The following TRRAP variants were observed in gnomAD, a reference collection of about 807,000 sequenced individuals.
TRRAP encodes the protein transformation/transcription domain associated protein, also known as transformation/transcription domain-associated protein.
TRRAP carries 41 observed loss-of-function variants against 438.8 expected under a neutral mutation model. The observed-to-expected ratio is 0.09, with a 90% CI of 0.07 to 0.12. TRRAP has a LOEUF of 0.12. Among genes scored for constraint, TRRAP ranks in the 10% least tolerant of loss-of-function variants. The pLI is 1.00. For missense variants in TRRAP, 3,122 were observed against 5,055.1 expected (o/e 0.62, Z 11.60); for synonymous variants, 1,994 against 1,962.9 (o/e 1.02, Z -0.42).
At chr7:98,903,022 T>A (rs2116364466) in intron 11 of TRRAP, among the ~76,000 whole-genome samples, 2 of 140,512 alleles carry the variant, frequency 1.4e-5, no homozygotes, top group South Asian at 4.8e-4. Context: ...GAGTCAAGCT[T>A]AGTCTTAACG....
At position 99,005,052 on chromosome 7, in the gene TRRAP, G is replaced by C. The variant is rs1794100042; in HGVS notation, c.10536-79G>C. On this transcript the variant is annotated intron_variant, in intron 68 of 72. Coordinates refer to ENST00000456197, the MANE Select transcript of TRRAP (RefSeq NM_001375524.1). The surrounding 1 kb of genome is among the most constrained non-coding windows in gnomAD (Gnocchi z 5.1). The stretch of plus-strand genomic sequence containing the variant: ...CAGTCCGTTTTCCCGTGACAGTTCG[G>C]ACATTCCTAGCTTCTTCTCAAGACA... The C allele has an allele frequency of 6.9e-7, 1 of 1,454,830 alleles. No individual in the cohort carries two copies. The highest frequency in any genetic ancestry group is 1.4e-5 in the African/African-American group (1 of 72,014). 90.1% of individuals were successfully genotyped at this position (1,454,830 alleles called of 1,614,324 possible).
chr7:98,947,608 A>C (rs1467973175), intron 33 of TRRAP, among the ~76,000 whole-genome samples: 1 of 152,086 alleles, frequency 6.6e-6, no homozygotes, highest in Non-Finnish European at 1.5e-5. Flanking sequence ...GGCGCCCGCC[A>C]CCACGCTCGG....
intron 51 of TRRAP, among the ~76,000 whole-genome samples, chr7:98,968,659 G>A (rs551238611): frequency 6.6e-6 from 1 of 152,168 alleles, no homozygotes; most frequent in Non-Finnish European, 1.5e-5. Flanking sequence ...AGGTCACCAC[G>A]TACTATGTCT....
intron 48 of TRRAP, among the ~76,000 whole-genome samples, chr7:98,964,999 C>A (rs551392972): frequency 6.6e-6 from 1 of 152,174 alleles, no homozygotes; most frequent in Non-Finnish European, 1.5e-5. Context: ...GCCTGTGGTC[C>A]CAGCTCCTCA....
rs779095601 is a variant in TRRAP, at chr7:98,970,217, C to T, written c.7618C>T (p.Arg2540Cys). ...NVINLADSHD[R>C]AAFAMVTHVK... ...CATCAACCTGGCCGATAGCCACGAC[C>T]GTGCCGCCTTCGCCATGGTCACACA... is the stretch of plus-strand genomic sequence containing the variant. The change falls in exon 52 of 73, where the codon CGT (arginine) becomes TGT (cysteine). Residue 2540 changes from arginine (R) to cysteine (C), a missense_variant. Coordinates refer to ENST00000456197, the MANE Select transcript of TRRAP (RefSeq NM_001375524.1). 2.5e-6 allele frequency: 4 copies of T among 1,613,810 alleles called. No individual in the cohort carries two copies. Among genetic ancestry groups the T allele is most frequent in the East Asian group, 2.2e-5 (1 of 44,872 alleles).
chr7:98,900,837 A>G (rs1240408281), intron 11 of TRRAP, 117 bp downstream of exon 11: 2 of 778,286 alleles, frequency 2.6e-6, no homozygotes, highest in Non-Finnish European at 4.0e-6. Context: ...TTACTAACAC[A>G]TCAAAATACG....
chr7:98,943,108 C>A, intron 31 of TRRAP, 91 bp downstream of exon 31: 1 of 1,365,572 alleles, frequency 7.3e-7, no homozygotes, highest in South Asian at 1.2e-5. Context: ...AAATGCCGGT[C>A]AGAAACCTAG....
chr7:98,945,248 A>T (rs1413168503), intron 31 of TRRAP, among the ~76,000 whole-genome samples: 1 of 152,206 alleles, frequency 6.6e-6, no homozygotes, highest in Non-Finnish European at 1.5e-5. Context: ...GTGCACACAC[A>T]CACCCACACA....
chr7:98,961,620 A>G, intron 46 of TRRAP, 146 bp downstream of exon 46: 5 of 1,009,636 alleles, frequency 5.0e-6, no homozygotes, highest in Non-Finnish European at 7.2e-6. Flanking sequence ...TTAAAAACTG[A>G]CATGGAAACA....
chr7:98,946,403 C>T (rs1044045415), intron 33 of TRRAP, among the ~76,000 whole-genome samples: 6 of 152,086 alleles, frequency 3.9e-5, no homozygotes, highest in African/African-American at 1.2e-4. Context: ...CTTCATCTCC[C>T]TCTTGCGTGC....
chr7:98,987,676 C>T (rs1793211349), intron 62 of TRRAP, among the ~76,000 whole-genome samples: 1 of 152,140 alleles, frequency 6.6e-6, no homozygotes, highest in Non-Finnish European at 1.5e-5. Context: ...CCTTTTATTT[C>T]TTTTTCTTCC....
intron 58 of TRRAP, among the ~76,000 whole-genome samples, chr7:98,980,817 G>A (rs1390655505): frequency 6.6e-6 from 1 of 152,246 alleles, no homozygotes; most frequent in East Asian, 1.9e-4. Context: ...GCTTTGGGAG[G>A]CCAAGGCAGG....
intron 67 of TRRAP, among the ~76,000 whole-genome samples, chr7:99,000,304 G>A (rs1469260758): frequency 6.6e-6 from 1 of 152,140 alleles, no homozygotes; most frequent in Admixed American, 6.5e-5. Flanking sequence ...TCACTGCCCG[G>A]CCATGTATTT....
chr7:98,912,658 A>G (rs539483858), intron 18 of TRRAP, among the ~76,000 whole-genome samples: 1 of 152,202 alleles, frequency 6.6e-6, no homozygotes, highest in South Asian at 2.1e-4. Context: ...GGATTACACA[A>G]ATAGGAGCAG....
At chr7:98,975,800 ATCTGTGTCCT>A (rs1256907726) in intron 53 of TRRAP, among the ~76,000 whole-genome samples, 1 of 152,168 alleles carries the variant, frequency 6.6e-6, no homozygotes, top group Non-Finnish European at 1.5e-5. Context: ...CCTCGGTGAC[ATCTGTGTCCT>A]TCTAAGTTAC....
chr7:98,976,657 C>T lies in TRRAP; in HGVS notation c.8134C>T (p.Arg2712Trp), dbSNP rs200214499. Residue 2712 changes from arginine (R) to tryptophan (W), a missense_variant, in exon 55 of 73, where the codon CGG becomes TGG. By Grantham distance (101) the Arg-to-Trp change is moderately radical (BLOSUM62 -3). This residue lies in a region of TRRAP where 992 missense variants were observed against 1,281.2 expected (regional missense o/e 0.77). Transcript: ENST00000456197. This position sits in a 1 kb window ranked among gnomAD's most constrained non-coding sequence, Gnocchi z 4.6. Reference sequence around the variant, plus strand: ...GGGGAAGACACACAACCTCTGGTTCCGGTCCACGCTGATGTTGGAGCACCA... The same window carrying T: ...GGGGAAGACACACAACCTCTGGTTCTGGTCCACGCTGATGTTGGAGCACCA... ...YLGKTHNLWF[R>W]STLMLEHQAF... The T allele has an allele frequency of 1.2e-6, 2 of 1,614,158 alleles. No individual in the cohort carries two copies. The highest frequency in any genetic ancestry group is 8.5e-7 in the Non-Finnish European group (1 of 1,180,024).
In TRRAP at chr7:98,897,879, CTGAGT is replaced by C. The variant is rs1554406036; in HGVS notation, c.633+15_633+19del. The C allele has an allele frequency of 6.2e-7, 1 of 1,613,586 alleles. No individual in the cohort carries two copies. Among genetic ancestry groups the C allele is most frequent in the South Asian group, 1.1e-5 (1 of 91,038 alleles). On this transcript the variant is annotated intron_variant, in intron 8 of 72. Coordinates refer to ENST00000456197, the MANE Select transcript of TRRAP (RefSeq NM_001375524.1). ...TGAGACTCGAACAGTAAGTGTTTCGCTGAGTTATTTCTACCCGTGGCTCCTGTAGT... is the reference window on the plus strand; with the variant it reads ...TGAGACTCGAACAGTAAGTGTTTCGCTATTTCTACCCGTGGCTCCTGTAGT...
chr7:98,978,802 G>T lies in TRRAP; in HGVS notation c.8532G>T (p.Leu2844=). The T allele has an allele frequency of 6.2e-7, 1 of 1,614,258 alleles. No individual in the cohort carries two copies. The highest frequency in any genetic ancestry group is 1.1e-5 in the South Asian group (1 of 91,090). ...CSKELNQWEA[L]TEYGQSKGHI... ...AGGAATTGAACCAGTGGGAAGCCCTGACGGAGTACGGTCAGTCCAAAGGCC... is the reference window on the plus strand; with the variant it reads ...AGGAATTGAACCAGTGGGAAGCCCTTACGGAGTACGGTCAGTCCAAAGGCC... The change falls in exon 58 of 73, where the codon CTG becomes CTT. Residue 2844 remains leucine, a synonymous_variant. Coordinates refer to ENST00000456197, the MANE Select transcript of TRRAP (RefSeq NM_001375524.1).
rs769110898 is a variant in TRRAP, at chr7:98,988,755, C to T, written c.9390-10C>T. 3.7e-6 allele frequency: 6 copies of T among 1,613,452 alleles called. No homozygotes were observed. The East Asian group carries it at 1.3e-4, about 36-fold the overall frequency. On this transcript the variant is annotated splice_polypyrimidine_tract_variant and intron_variant, in intron 62 of 72. Transcript: ENST00000456197. ...AACCATACACGTTTTGGTTTTCTGTCTCCTCACAGGTCCGAGGAGGCAAAC... is the reference window on the plus strand; with the variant it reads ...AACCATACACGTTTTGGTTTTCTGTTTCCTCACAGGTCCGAGGAGGCAAAC...
Sources: gnomAD v4.1 joint callset for allele counts (sites outside exome capture counted in the v4.1 genomes callset) on GRCh38, gnomAD v4.1.1 for gene constraint, gnomAD v4.1.1 regional missense constraint, Gnocchi (gnomAD v3.1) non-coding constraint, MANE v1.5 for transcripts, NCBI Gene and HGNC (gene_info 2026-07-23, HGNC 2026-07-21) for gene names.